ZNF423: variants seen among roughly 807,000 people sequenced by gnomAD.
ZNF423 encodes Ebf-associated zinc finger protein.
In ZNF423, 12 loss-of-function variants were observed where a neutral mutation model predicts 95.8. That is an observed-to-expected ratio of 0.13 (90% confidence interval 0.08 to 0.20). The LOEUF (loss-of-function observed/expected upper bound fraction) is 0.20, where lower values mean the gene tolerates loss of function less well. Among genes scored for constraint, ZNF423 ranks in the 10% least tolerant of loss-of-function variants. The pLI is 1.00. For synonymous variants in ZNF423, 749 were observed against 711.9 expected (o/e 1.05, Z -0.83); for missense variants, 1,316 against 1,737.1 (o/e 0.76, Z 4.31).
At chr16:49,601,656 C>A (rs1470274828) in intron 5 of ZNF423, among the ~76,000 whole-genome samples, 1 of 152,216 alleles carries the variant, frequency 6.6e-6, no homozygotes, top group Non-Finnish European at 1.5e-5. Flanking sequence ...AAACATGCAA[C>A]GTCAATGACA....
At chr16:49,741,081 C>T (rs1343382682) in intron 2 of ZNF423, among the ~76,000 whole-genome samples, 1 of 152,166 alleles carries the variant, frequency 6.6e-6, no homozygotes, top group Non-Finnish European at 1.5e-5. Context: ...CCCACCACCA[C>T]ACAAATTACA....
intron 5 of ZNF423, among the ~76,000 whole-genome samples, chr16:49,548,350 T>C (rs1160512646): frequency 6.6e-6 from 1 of 152,212 alleles, no homozygotes; most frequent in Non-Finnish European, 1.5e-5. Context: ...AGGAAACGTT[T>C]GCTGCAATTT....
At chr16:49,850,149 G>A (rs1166419299) in intron 1 of ZNF423, among the ~76,000 whole-genome samples, 4 of 152,150 alleles carry the variant, frequency 2.6e-5, no homozygotes, top group Admixed American at 1.3e-4. Flanking sequence ...CCAATCGTTG[G>A]CTGCCACCGA....
chr16:49,646,568 C>CTTTTTTTTTTTTTTTTTTTTT (rs1194511671), intron 3 of ZNF423, among the ~76,000 whole-genome samples: 8 of 120,716 alleles, frequency 6.6e-5, no homozygotes, highest in Admixed American at 1.8e-4. Context: ...ATTTTCTTTT[C>CTTTTTTTTTTTTTTTTTTTTT]TTTTTCTTTT....
At chr16:49,583,600 T>C (rs1970738386) in intron 5 of ZNF423, among the ~76,000 whole-genome samples, 1 of 152,230 alleles carries the variant, frequency 6.6e-6, no homozygotes, top group South Asian at 2.1e-4. Context: ...CACACATATA[T>C]ATATACACAT....
intron 3 of ZNF423, among the ~76,000 whole-genome samples, chr16:49,727,339 CG>C (rs539188397): frequency 1.3e-5 from 2 of 152,046 alleles, no homozygotes; most frequent in Non-Finnish European, 2.9e-5. Flanking sequence ...AGGTTGGGGA[CG>C]GGGGGGTCTT....
At chr16:49,653,629 C>T (rs925468683) in intron 3 of ZNF423, among the ~76,000 whole-genome samples, 6 of 152,162 alleles carry the variant, frequency 3.9e-5, no homozygotes, top group African/African-American at 1.4e-4. Flanking sequence ...GGGTGCAGAG[C>T]TGCATCCCCA....
chr16:49,708,695 C>G (rs183589538), intron 3 of ZNF423, among the ~76,000 whole-genome samples: 1 of 152,186 alleles, frequency 6.6e-6, no homozygotes, highest in Non-Finnish European at 1.5e-5. Context: ...CCCGCACAGC[C>G]TTTCACAGGC....
chr16:49,849,872 C>A (rs535530744), intron 1 of ZNF423, among the ~76,000 whole-genome samples: 1 of 152,352 alleles, frequency 6.6e-6, no homozygotes, highest in East Asian at 1.9e-4. Context: ...AGTGTTTTCA[C>A]AGCACCAATC....
chr16:49,723,908 G>A (rs1185442066), intron 3 of ZNF423, among the ~76,000 whole-genome samples: 1 of 152,102 alleles, frequency 6.6e-6, no homozygotes, highest in South Asian at 2.1e-4. Flanking sequence ...ACACCACTTC[G>A]AATCCTTTCC....
chr16:49,796,083 T>G (rs942428576), intron 1 of ZNF423, among the ~76,000 whole-genome samples: 1 of 152,110 alleles, frequency 6.6e-6, no homozygotes, highest in Non-Finnish European at 1.5e-5. Context: ...GGACTCCACG[T>G]TGACTCTCAG....
At chr16:49,521,813 G>T (rs1375262710) in intron 7 of ZNF423, among the ~76,000 whole-genome samples, 2 of 152,194 alleles carry the variant, frequency 1.3e-5, no homozygotes, top group Non-Finnish European at 2.9e-5. Context: ...CCCTGGCATG[G>T]GGCCAGCCTA....
rs3084468 is a variant in ZNF423 at position 49,700,195 on chromosome 16, C to CAA, written c.301+30574_301+30575dup. Among the ~76,000 whole-genome samples, 222 of 96,532 alleles carry CAA rather than the reference C, an allele frequency of 2.3e-3. 1 individual carries two copies. The highest frequency in any genetic ancestry group is 8.7e-3 in the African/African-American group (213 of 24,540). The allele number at this position is 96,532 out of a possible 152,430, so 63.3% of individuals were successfully genotyped here. A position where few individuals can be genotyped will look rare whatever the true frequency, so the allele number is the denominator to read the frequency against. Reference sequence around the variant, plus strand: ...AAAAGGAAAAAGAGGCCCAGGATTTCAAAAAAAAAAAAAAAAAAAAAACAA... The same window carrying CAA: ...AAAAGGAAAAAGAGGCCCAGGATTTCAAAAAAAAAAAAAAAAAAAAAAAACAA... On this transcript the variant is annotated intron_variant, in intron 3 of 7. Coordinates refer to ENST00000563137, the MANE Select transcript of ZNF423 (RefSeq NM_001379286.1).
In ZNF423 at chr16:49,525,406, G is replaced by A. The variant is rs371710780; in HGVS notation, c.3690C>T (p.Phe1230=). The A allele has an allele frequency of 4.5e-5, 73 of 1,613,936 alleles. No homozygotes were observed. The highest frequency in any genetic ancestry group is 5.7e-5 in the Non-Finnish European group (67 of 1,179,972). ...ATTTGAAGGTGCCGCCCATGCCCTC[G>A]AAGCTGTGCTCAATGAGGTGACAGA... ...KLLCHLIEHS[F]EGMGGTFKCP... is the part of the protein sequence containing the mutation. The change falls in exon 6 of 8, where the codon TTC becomes TTT. Residue 1230 remains phenylalanine (F), a synonymous_variant. Coordinates refer to ENST00000563137, the MANE Select transcript of ZNF423 (RefSeq NM_001379286.1).
Position 49,678,624 on chromosome 16 carries a change from G to A in ZNF423, c.302-39750C>T, listed in dbSNP as rs148085861. Among the ~76,000 whole-genome samples the A allele has an allele frequency of 2.6e-3, 392 of 152,326 alleles. 1 individual carries two copies. The highest frequency in any genetic ancestry group is 3.8e-3 in the Non-Finnish European group (257 of 68,024). On this transcript the variant is annotated intron_variant, in intron 3 of 7. Transcript: ENST00000563137. Reference sequence around the variant, plus strand: ...ACTGGCCTCCCATGCTGTCCTCCCTGTGCCAGGTGCCTGATGGGTGTCTTT... The same window carrying A: ...ACTGGCCTCCCATGCTGTCCTCCCTATGCCAGGTGCCTGATGGGTGTCTTT...
intron 1 of ZNF423, among the ~76,000 whole-genome samples, chr16:49,832,190 C>T (rs1260647660): frequency 3.9e-5 from 6 of 152,172 alleles, no homozygotes; most frequent in Non-Finnish European, 7.3e-5. Flanking sequence ...TTTGTCAAAC[C>T]ATTCCCTTAA....
intron 5 of ZNF423, among the ~76,000 whole-genome samples, chr16:49,617,237 G>A (rs775846484): frequency 3.3e-5 from 5 of 152,098 alleles, no homozygotes; most frequent in Non-Finnish European, 5.9e-5. Context: ...TCTCCCCGCT[G>A]GGCCCCAAGG....
intron 7 of ZNF423, among the ~76,000 whole-genome samples, chr16:49,510,252 C>T (rs1262879288): frequency 6.6e-6 from 1 of 152,208 alleles, no homozygotes; most frequent in Non-Finnish European, 1.5e-5. Flanking sequence ...CCAAGAGGGG[C>T]ACTGGCAGCC....
intron 5 of ZNF423, among the ~76,000 whole-genome samples, chr16:49,619,417 A>T (rs1971983661): frequency 6.6e-6 from 1 of 152,232 alleles, no homozygotes; most frequent in African/African-American, 2.4e-5. Flanking sequence ...GAAATTTTCC[A>T]CTATTTTAAA....
Sources: allele counts gnomAD v4.1 joint callset (sites outside exome capture counted in the v4.1 genomes callset), GRCh38; gene constraint gnomAD v4.1.1; transcripts MANE v1.5; gene names NCBI Gene and HGNC (gene_info 2026-07-23, HGNC 2026-07-21).